Variants in CNTNAP2 observed in about 807,000 individuals in gnomAD.
The protein encoded by CNTNAP2 is contactin associated protein 2.
In CNTNAP2, 98 loss-of-function variants were observed where a neutral mutation model predicts 155.2. That is an observed-to-expected ratio of 0.63 (90% CI 0.54 to 0.75). The LOEUF (loss-of-function observed/expected upper bound fraction) is 0.75, where lower values mean the gene tolerates loss of function less well. Among genes scored for constraint, CNTNAP2 ranks in the 30% least tolerant of loss-of-function variants. The pLI is 0.00. For synonymous variants in CNTNAP2, 651 were observed against 631.2 expected (o/e 1.03, Z -0.47); for missense variants, 1,727 against 1,688.1 (o/e 1.02, Z -0.40).
chr7:146,437,501 C>T (rs1724489), intron 1 of CNTNAP2, among the ~76,000 whole-genome samples: 5,611 of 151,362 alleles, frequency 0.037, 594 homozygotes, highest in African/African-American at 0.13. Flanking sequence ...CATCTATTTA[C>T]CATTCTCCCT....
rs115898638 is a variant in CNTNAP2 at position 148,022,956 on chromosome 7, G to A, written c.2383+44967G>A. On this transcript the variant is annotated intron_variant, in intron 15 of 23. Transcript: ENST00000361727. Reference sequence around the variant, plus strand: ...CCTGTGACACTGCCTGTACAGCACCGTTAAATATCTCATCGGCAGTAATAG... The same window carrying A: ...CCTGTGACACTGCCTGTACAGCACCATTAAATATCTCATCGGCAGTAATAG... Among the ~76,000 whole-genome samples, 858 of 152,196 alleles carry A rather than the reference G, an allele frequency of 5.6e-3. 10 individuals carry two copies. Among genetic ancestry groups the A allele is most frequent in the African/African-American group, 0.019 (800 of 41,500 alleles).
At chr7:146,958,470 G>C (rs1307846392) in intron 3 of CNTNAP2, among the ~76,000 whole-genome samples, 2 of 130,934 alleles carry the variant, frequency 1.5e-5, no homozygotes, top group African/African-American at 2.9e-5. Flanking sequence ...TTGGAGTGCA[G>C]TGGCACAATC....
At chr7:146,830,200 A>G (rs1480147287) in intron 2 of CNTNAP2, among the ~76,000 whole-genome samples, 3 of 152,118 alleles carry the variant, frequency 2.0e-5, no homozygotes, top group Non-Finnish European at 4.4e-5. Context: ...AACCACAAAA[A>G]GATGCTGTAT....
At position 148,243,045 on chromosome 7, in the gene CNTNAP2, A is replaced by G. The variant is rs557345420; in HGVS notation, c.3381+13266A>G. ...GCTCAAGAGAAAAGATGAAGAAAGGACATCCAAAAAGAAGTGGAAGTCAGA... is the reference window on the plus strand; with the variant it reads ...GCTCAAGAGAAAAGATGAAGAAAGGGCATCCAAAAAGAAGTGGAAGTCAGA... On this transcript the variant is annotated intron_variant, in intron 20 of 23. Coordinates refer to ENST00000361727, the MANE Select transcript of CNTNAP2 (RefSeq NM_014141.6). Among the ~76,000 whole-genome samples, 3 of 152,306 alleles carry G rather than the reference A, an allele frequency of 2.0e-5. No homozygotes were observed. In the South Asian group the frequency reaches 6.2e-4, roughly 32 times the overall value.
chr7:146,634,626 A>C (rs1375875133), intron 1 of CNTNAP2, among the ~76,000 whole-genome samples: 1 of 152,214 alleles, frequency 6.6e-6, no homozygotes, highest in Non-Finnish European at 1.5e-5. Flanking sequence ...GAGAGTTATC[A>C]CATGCCAGTC....
chr7:147,864,525 G>T (rs538066450), intron 13 of CNTNAP2, among the ~76,000 whole-genome samples: 11 of 151,718 alleles, frequency 7.3e-5, no homozygotes, highest in African/African-American at 2.4e-4. Context: ...GGGCAGTATG[G>T]CCATTTTCAT....
chr7:146,842,786 C>T (rs1009144546), intron 3 of CNTNAP2, among the ~76,000 whole-genome samples: 6 of 151,630 alleles, frequency 4.0e-5, no homozygotes, highest in African/African-American at 1.2e-4. Context: ...CCCGGTTTCA[C>T]GCCATTCTCC....
chr7:148,305,773 A>G (rs1453721835), intron 21 of CNTNAP2, among the ~76,000 whole-genome samples: 2 of 152,184 alleles, frequency 1.3e-5, no homozygotes, highest in East Asian at 3.9e-4. Flanking sequence ...TGATCCAATC[A>G]TCTCCCACCA....
chr7:146,731,152 A>C (rs1320682695), intron 1 of CNTNAP2, among the ~76,000 whole-genome samples: 1 of 152,168 alleles, frequency 6.6e-6, no homozygotes, highest in Non-Finnish European at 1.5e-5. Context: ...GACTGAAATC[A>C]AAGTCCCCTA....
At chr7:147,126,665 G>A (rs1048264779) in intron 6 of CNTNAP2, among the ~76,000 whole-genome samples, 4 of 152,072 alleles carry the variant, frequency 2.6e-5, no homozygotes, top group African/African-American at 7.2e-5. Context: ...TAGAGATGGG[G>A]TTTCTCCATG....
chr7:146,408,254 A>G (rs1795820351), intron 1 of CNTNAP2, among the ~76,000 whole-genome samples: 1 of 152,212 alleles, frequency 6.6e-6, no homozygotes, highest in African/African-American at 2.4e-5. Context: ...CACTTTATAG[A>G]GACTATTAAC....
chr7:146,668,380 T>G (rs1376161940), intron 1 of CNTNAP2, among the ~76,000 whole-genome samples: 1 of 151,930 alleles, frequency 6.6e-6, no homozygotes, highest in East Asian at 1.9e-4. Flanking sequence ...AGTATTTTCT[T>G]GAAGATTTTG....
chr7:148,196,053 G>A (rs1014629008), intron 18 of CNTNAP2, among the ~76,000 whole-genome samples: 7 of 152,074 alleles, frequency 4.6e-5, no homozygotes, highest in Admixed American at 2.6e-4. Flanking sequence ...TCATTGTACC[G>A]GGTTGCTATT....
intron 1 of CNTNAP2, among the ~76,000 whole-genome samples, chr7:146,500,016 A>G (rs1270859454): frequency 6.6e-6 from 1 of 151,966 alleles, no homozygotes; most frequent in Non-Finnish European, 1.5e-5. Context: ...TTTTATTTTC[A>G]GATTGTTTAT....
chr7:146,244,261 G>T (rs1799609066), intron 1 of CNTNAP2, among the ~76,000 whole-genome samples: 1 of 152,214 alleles, frequency 6.6e-6, no homozygotes, highest in African/African-American at 2.4e-5. Flanking sequence ...GATAGCACCA[G>T]GAGGTATCAG....
At chr7:146,199,020 C>T (rs563020729) in intron 1 of CNTNAP2, among the ~76,000 whole-genome samples, 6 of 152,134 alleles carry the variant, frequency 3.9e-5, no homozygotes, top group Admixed American at 3.3e-4. Flanking sequence ...TTTGTATCTA[C>T]ATTTGTCGAT....
At chr7:146,785,358 A>G (rs1489443515) in intron 2 of CNTNAP2, among the ~76,000 whole-genome samples, 1 of 152,206 alleles carries the variant, frequency 6.6e-6, no homozygotes, top group Non-Finnish European at 1.5e-5. Flanking sequence ...AATGATTTCT[A>G]CCATCAGAAA....
At chr7:147,596,449 T>G (rs188649269) in intron 12 of CNTNAP2, among the ~76,000 whole-genome samples, 159 of 152,274 alleles carry the variant, frequency 1.0e-3, no homozygotes, top group African/African-American at 3.3e-3. Context: ...GAGTGATCTT[T>G]TAAAAACAGA....
chr7:147,559,739 T>C (rs757630421), intron 11 of CNTNAP2, among the ~76,000 whole-genome samples: 3 of 152,112 alleles, frequency 2.0e-5, no homozygotes, highest in East Asian at 1.9e-4. Context: ...ATTTTAATAA[T>C]CTGGAGAGAG....
Sources: allele counts gnomAD v4.1 joint callset (sites outside exome capture counted in the v4.1 genomes callset), GRCh38; gene constraint gnomAD v4.1.1; transcripts MANE v1.5; gene names NCBI Gene and HGNC (gene_info 2026-07-23, HGNC 2026-07-21).